Variants in NAPB observed in about 807,000 individuals in gnomAD.
The protein encoded by NAPB is NSF attachment protein beta, also known as beta-soluble NSF attachment protein.
NAPB carries 26 observed loss-of-function variants against 44.7 expected under a neutral mutation model. The observed-to-expected ratio is 0.58, with a 90% CI of 0.43 to 0.81. NAPB has a LOEUF of 0.81. Among genes scored for constraint, NAPB ranks in the 30% least tolerant of loss-of-function variants. NAPB has a pLI of 0.00. For synonymous variants in NAPB, 120 were observed against 116.8 expected (o/e 1.03, Z -0.18); for missense variants, 315 against 356.4 (o/e 0.88, Z 0.94).
chr20:23,421,277 C>G (rs747901016), intron 1 of NAPB, 28 bp downstream of exon 1: 278 of 1,441,256 alleles, frequency 1.9e-4, no homozygotes, highest in Non-Finnish European at 2.3e-4. Flanking sequence ...ACCCCCCCCC[C>G]CCAGGGCACG....
At chr20:23,382,794 A>G (rs921282803) in intron 7 of NAPB, among the ~76,000 whole-genome samples, 4 of 152,200 alleles carry the variant, frequency 2.6e-5, no homozygotes, top group African/African-American at 9.6e-5. Context: ...ACAGAGCATC[A>G]AGGACCCATG....
intron 1 of NAPB, among the ~76,000 whole-genome samples, chr20:23,405,657 G>A (rs1249086852): frequency 1.3e-5 from 2 of 152,168 alleles, no homozygotes; most frequent in African/African-American, 4.8e-5. Flanking sequence ...CTGGGAGGCG[G>A]AGGATGCACT....
intron 2 of NAPB, among the ~76,000 whole-genome samples, chr20:23,398,844 CA>C (rs1032230653): frequency 3.0e-4 from 35 of 116,732 alleles, no homozygotes; most frequent in African/African-American, 6.6e-4. Context: ...ACTCTTGTCT[CA>C]AAAAAAAAAT....
intron 5 of NAPB, among the ~76,000 whole-genome samples, chr20:23,391,296 A>G (rs2030377147): frequency 6.6e-6 from 1 of 152,176 alleles, no homozygotes; most frequent in African/African-American, 2.4e-5. Flanking sequence ...GGGTGACAAG[A>G]GTGAAACTCT....
chr20:23,410,094 T>TA (rs1256488122), intron 1 of NAPB, among the ~76,000 whole-genome samples: 1 of 152,136 alleles, frequency 6.6e-6, no homozygotes, highest in Non-Finnish European at 1.5e-5. Context: ...GAAGGCAACT[T>TA]AGAAGGTGGG....
intron 10 of NAPB, 81 bp from the exon 11 acceptor site, chr20:23,377,567 T>C: frequency 8.3e-6 from 6 of 724,838 alleles, no homozygotes; most frequent in Non-Finnish European, 1.3e-5. Context: ...AAGCTGTTTA[T>C]ACCTTTACAG....
intron 1 of NAPB, among the ~76,000 whole-genome samples, 172 bp downstream of exon 1, chr20:23,421,133 G>A (rs1197297217): frequency 6.6e-6 from 1 of 151,782 alleles, no homozygotes; most frequent in African/African-American, 2.4e-5. Flanking sequence ...GGGCTCCAGG[G>A]GGCGCTGGGG....
chr20:23,377,768 C>A (rs1412940452), intron 10 of NAPB, among the ~76,000 whole-genome samples: 2 of 151,834 alleles, frequency 1.3e-5, no homozygotes, highest in Admixed American at 6.6e-5. Context: ...ATTATTGTGG[C>A]AAAAGTAACT....
At chr20:23,405,262 CAG>C (rs901148638) in intron 1 of NAPB, among the ~76,000 whole-genome samples, 18 of 147,952 alleles carry the variant, frequency 1.2e-4, no homozygotes, top group African/African-American at 4.5e-4. Flanking sequence ...GTCTAGGTGA[CAG>C]AGCGAGACTT....
intron 1 of NAPB, among the ~76,000 whole-genome samples, chr20:23,413,689 T>C (rs923813993): frequency 1.3e-5 from 2 of 152,156 alleles, no homozygotes; most frequent in Admixed American, 6.5e-5. Flanking sequence ...AAAAGACTAC[T>C]ATGCACAATG....
Position 23,379,498 on chromosome 20 carries a change from GGT to G in NAPB, c.736-5_736-4del. The stretch of plus-strand genomic sequence containing the variant: ...TCTTCATGAGCTTCTAGGAGTTTCT[GGT>G]AGCATAAAAATATTTTAAAAAACAG... On this transcript the variant is annotated splice_region_variant and splice_polypyrimidine_tract_variant and intron_variant, in intron 9 of 10. Transcript: ENST00000377026. 1.2e-6 allele frequency: 2 copies of G among 1,602,946 alleles called. No homozygotes were observed. Among genetic ancestry groups the G allele is most frequent in the Non-Finnish European group, 1.7e-6 (2 of 1,175,776 alleles).
chr20:23,408,336 C>T (rs1240608624), intron 1 of NAPB, among the ~76,000 whole-genome samples: 2 of 152,190 alleles, frequency 1.3e-5, no homozygotes, highest in Non-Finnish European at 2.9e-5. Context: ...AGCACAGGGC[C>T]TAGCACACAG....
At chr20:23,383,718 A>G (rs1390386474) in intron 7 of NAPB, among the ~76,000 whole-genome samples, 1 of 152,246 alleles carries the variant, frequency 6.6e-6, no homozygotes, top group East Asian at 1.9e-4. Flanking sequence ...AATAGAAAGG[A>G]AACAATAATC....
intron 2 of NAPB, among the ~76,000 whole-genome samples, chr20:23,400,057 T>C (rs1050974376): frequency 5.3e-5 from 8 of 152,184 alleles, no homozygotes; most frequent in Non-Finnish European, 1.0e-4. Context: ...TGCTCAGTAA[T>C]ACCACAACAC....
intron 6 of NAPB, 48 bp from the exon 7 acceptor site, chr20:23,390,078 T>G: frequency 6.3e-7 from 1 of 1,593,834 alleles, no homozygotes. Context: ...AATGGAAAAA[T>G]AAAAGATGTG....
In NAPB at chr20:23,421,414, C is replaced by G. The variant is rs1477254436; in HGVS notation, c.-12G>C. ...CCCGCGTTGTCCATGTCGCCCGCCG[C>G]GGCCGCCACAGCCCCCTCAGCCGGC... On this transcript the variant is annotated 5_prime_UTR_variant, in exon 1 of 11. Transcript: ENST00000377026. 1 of 1,541,946 alleles carries G rather than the reference C, an allele frequency of 6.5e-7. No individual in the cohort carries two copies. The highest frequency in any genetic ancestry group is 2.0e-5 in the Admixed American group (1 of 50,672).
chr20:23,417,430 T>C (rs999713051), intron 1 of NAPB, among the ~76,000 whole-genome samples: 1 of 152,234 alleles, frequency 6.6e-6, no homozygotes, highest in African/African-American at 2.4e-5. Flanking sequence ...TTGTGCAGGT[T>C]ATTCCCAACC....
chr20:23,404,232 G>T (rs1047986897), intron 1 of NAPB, among the ~76,000 whole-genome samples: 1 of 152,136 alleles, frequency 6.6e-6, no homozygotes, highest in Non-Finnish European at 1.5e-5. Flanking sequence ...ATAAACAGTG[G>T]AAAACTGAGA....
At chr20:23,395,459 G>C (rs533722555) in intron 3 of NAPB, among the ~76,000 whole-genome samples, 1 of 152,264 alleles carries the variant, frequency 6.6e-6, no homozygotes, top group East Asian at 1.9e-4. Flanking sequence ...ACTCCATCCA[G>C]GCAAAAGACT....
Sources: gnomAD v4.1 joint callset for allele counts (sites outside exome capture counted in the v4.1 genomes callset) on GRCh38, gnomAD v4.1.1 for gene constraint, MANE v1.5 for transcripts, NCBI Gene and HGNC (gene_info 2026-07-23, HGNC 2026-07-21) for gene names.